COPG2: variants seen among roughly 807,000 people sequenced by gnomAD.
COPG2 encodes coatomer subunit gamma-2.
COPG2 carries 37 observed loss-of-function variants against 46.3 expected under a neutral mutation model. The observed-to-expected ratio is 0.80, with a 90% confidence interval of 0.61 to 1.05. The LOEUF (loss-of-function observed/expected upper bound fraction) is 1.05. Ranked by LOEUF, COPG2 falls within the 50% of genes least tolerant of loss-of-function variation. The probability of loss-of-function intolerance (pLI) is 0.00; values close to 1 mark genes in which losing one functional copy is unlikely to be tolerated. For synonymous variants in COPG2, 159 were observed against 129.7 expected (o/e 1.23, Z -1.53); for missense variants, 427 against 387.8 (o/e 1.10, Z -0.85).
chr7:130,579,573 G>A (rs1794090947), intron 9 of COPG2, among the ~76,000 whole-genome samples: 1 of 152,122 alleles, frequency 6.6e-6, no homozygotes, highest in African/African-American at 2.4e-5. Flanking sequence ...AAAGAGTCAC[G>A]ACCCATCAGT....
At chr7:130,530,247 T>C (rs1799811203) in intron 20 of COPG2, among the ~76,000 whole-genome samples, 3 of 152,050 alleles carry the variant, frequency 2.0e-5, no homozygotes, top group Non-Finnish European at 2.9e-5. Context: ...GCAGGCACGA[T>C]GGCAGGGGTG....
chr7:130,611,745 A>T (rs1477765640), intron 8 of COPG2, among the ~76,000 whole-genome samples: 1 of 152,246 alleles, frequency 6.6e-6, no homozygotes, highest in Non-Finnish European at 1.5e-5. Context: ...AATAAATATC[A>T]AAAGAGCTCT....
At chr7:130,591,630 G>A (rs1265457211) in intron 9 of COPG2, among the ~76,000 whole-genome samples, 5 of 125,654 alleles carry the variant, frequency 4.0e-5, no homozygotes, top group South Asian at 5.6e-4. Context: ...CCGGCCAGCC[G>A]CCCCGTCCGG....
At chr7:130,592,000 C>A (rs1486488705) in intron 9 of COPG2, among the ~76,000 whole-genome samples, 11 of 152,196 alleles carry the variant, frequency 7.2e-5, no homozygotes, top group Non-Finnish European at 4.4e-5. Context: ...CGGATGGTTG[C>A]CGTGTCTGTG....
chr7:130,652,448 T>C (rs1795766018), intron 5 of COPG2, among the ~76,000 whole-genome samples: 1 of 152,230 alleles, frequency 6.6e-6, no homozygotes, highest in Admixed American at 6.5e-5. Flanking sequence ...ATTTATGTTT[T>C]TTGGTTACTA....
At chr7:130,524,735 G>T (rs1444385910) in intron 20 of COPG2, among the ~76,000 whole-genome samples, 2 of 152,126 alleles carry the variant, frequency 1.3e-5, no homozygotes, top group East Asian at 3.9e-4. Context: ...AAGAGAGGTG[G>T]GAGGAGGCCA....
At chr7:130,511,396 T>C (rs375772116) in intron 20 of COPG2, 5 of 519,762 alleles carry the variant, frequency 9.6e-6, no homozygotes, top group Non-Finnish European at 1.5e-5. Context: ...GCATAGTGTG[T>C]AGGACATCGA....
At chr7:130,658,732 G>A (rs1795908183) in intron 4 of COPG2, among the ~76,000 whole-genome samples, 1 of 151,672 alleles carries the variant, frequency 6.6e-6, no homozygotes, top group African/African-American at 2.4e-5. Flanking sequence ...CTGGGCTGGA[G>A]TGCAGTGGCA....
At chr7:130,570,103 T>C (rs1270974678) in intron 9 of COPG2, among the ~76,000 whole-genome samples, 1 of 152,184 alleles carries the variant, frequency 6.6e-6, no homozygotes, top group African/African-American at 2.4e-5. Context: ...GGCATTATAC[T>C]GAACAGGAAA....
chr7:130,513,359 G>GTGTGTA (rs1282542780), intron 20 of COPG2, among the ~76,000 whole-genome samples: 821 of 36,272 alleles, frequency 0.023, 24 homozygotes, highest in Non-Finnish European at 0.044. Flanking sequence ...GTGTGTGTGT[G>GTGTGTA]TATATATATA....
chr7:130,521,915 T>C (rs1485513757), intron 20 of COPG2, among the ~76,000 whole-genome samples: 1 of 152,130 alleles, frequency 6.6e-6, no homozygotes, highest in Non-Finnish European at 1.5e-5. Flanking sequence ...AGTAGAATAT[T>C]AGAAAAAGGC....
chr7:130,636,350 T>C (rs1795336722), intron 5 of COPG2, among the ~76,000 whole-genome samples: 1 of 152,158 alleles, frequency 6.6e-6, no homozygotes. Flanking sequence ...GGTCTCTTTG[T>C]AGGTCTCTAA....
intron 9 of COPG2, among the ~76,000 whole-genome samples, chr7:130,572,956 C>T (rs1235037158): frequency 6.6e-6 from 1 of 151,812 alleles, no homozygotes; most frequent in Non-Finnish European, 1.5e-5. Flanking sequence ...CACAAACCTT[C>T]ATCTAAACTA....
At position 130,611,113 on chromosome 7, in the gene COPG2, A is replaced by G. The variant is rs782801963; in HGVS notation, c.580-3T>C. ...TACAGGACTCCCAATGCATGGTACTAAAGAACATGAAAAAGAAGGTAGCAC... is the reference window on the plus strand; with the variant it reads ...TACAGGACTCCCAATGCATGGTACTGAAGAACATGAAAAAGAAGGTAGCAC... On this transcript the variant is annotated splice_polypyrimidine_tract_variant and splice_region_variant and intron_variant, in intron 8 of 23. Transcript: ENST00000425248. 3 of 1,607,784 alleles carry G rather than the reference A, an allele frequency of 1.9e-6. No individual in the cohort carries two copies. The South Asian group carries it at 3.3e-5, about 18-fold the overall frequency.
At chr7:130,536,684 T>G (rs1483409238) in intron 20 of COPG2, among the ~76,000 whole-genome samples, 1 of 152,062 alleles carries the variant, frequency 6.6e-6, no homozygotes, top group Non-Finnish European at 1.5e-5. Flanking sequence ...GTCAAGACTG[T>G]CAGGTGTGGG....
rs372799475 is a variant in COPG2 at position 130,652,914 on chromosome 7, T to C, written c.278A>G (p.Lys93Arg). ...TLRRMCYLTI[K>R]EMATISEDVI... is the part of the protein sequence containing the mutation. ...ATCCTCAGAGATGGTAGCCATTTCT[T>C]TGATGGTAAGGTAGCACATTCTCCT... is the stretch of plus-strand genomic sequence containing the variant. Residue 93 changes from lysine to arginine, a missense_variant, in exon 5 of 24, where the codon AAA (lysine) becomes AGA (arginine). Physicochemically the swap from Lys to Arg is conservative, Grantham distance 26. Transcript: ENST00000425248. 1 of 1,607,394 alleles carries C rather than the reference T, an allele frequency of 6.2e-7. No individual in the cohort carries two copies. Among genetic ancestry groups the C allele is most frequent in the Non-Finnish European group, 8.5e-7 (1 of 1,176,308 alleles).
chr7:130,512,052 T>TAAAAAA (rs1182017221), intron 20 of COPG2, among the ~76,000 whole-genome samples: 2 of 99,152 alleles, frequency 2.0e-5, no homozygotes, highest in African/African-American at 4.6e-5. Context: ...CTGTGTCTTC[T>TAAAAAA]AAAAAAAAAA....
intron 5 of COPG2, among the ~76,000 whole-genome samples, chr7:130,617,563 T>TG (rs1794970441): frequency 6.6e-6 from 1 of 152,230 alleles, no homozygotes; most frequent in Non-Finnish European, 1.5e-5. Flanking sequence ...ACCTTTCTGC[T>TG]GAGCTTCAAA....
chr7:130,527,732 T>C (rs1396827392), intron 20 of COPG2, among the ~76,000 whole-genome samples: 7 of 151,980 alleles, frequency 4.6e-5, no homozygotes, highest in East Asian at 1.9e-4. Context: ...GAGGGGAAGA[T>C]GCATGTGTGG....
Sources: gnomAD v4.1 joint callset for allele counts (sites outside exome capture counted in the v4.1 genomes callset) on GRCh38, gnomAD v4.1.1 for gene constraint, MANE v1.5 for transcripts, NCBI Gene and HGNC (gene_info 2026-07-23, HGNC 2026-07-21) for gene names.